Variants in RAB3GAP1 observed in about 807,000 individuals in gnomAD.
The protein encoded by RAB3GAP1 is rab3 GTPase-activating protein catalytic subunit.
In RAB3GAP1, 86 loss-of-function variants were observed where a neutral mutation model predicts 130.7. That is an observed-to-expected ratio of 0.66 (90% confidence interval 0.55 to 0.79). RAB3GAP1 has a LOEUF of 0.79. RAB3GAP1 is among the 30% of genes least tolerant of loss of function. The pLI is 0.00. For synonymous variants in RAB3GAP1, 367 were observed against 401.7 expected (o/e 0.91, Z 1.03); for missense variants, 1,029 against 1,169.4 (o/e 0.88, Z 1.75).
chr2:135,075,672 T>G (rs1263375264), intron 3 of RAB3GAP1, among the ~76,000 whole-genome samples: 1 of 143,746 alleles, frequency 7.0e-6, no homozygotes, highest in Non-Finnish European at 1.5e-5. Flanking sequence ...TATATTTGCC[T>G]TTTTTTGGGG....
At chr2:135,145,375 A>AC (rs1183298379) in intron 17 of RAB3GAP1, among the ~76,000 whole-genome samples, 1 of 146,792 alleles carries the variant, frequency 6.8e-6, no homozygotes, top group African/African-American at 2.6e-5. Flanking sequence ...TCTTCATACC[A>AC]CCCCTCACCA....
intron 5 of RAB3GAP1, among the ~76,000 whole-genome samples, chr2:135,104,927 A>G (rs922216515): frequency 6.6e-6 from 1 of 152,058 alleles, no homozygotes; most frequent in African/African-American, 2.4e-5. Flanking sequence ...TGGAAACTCC[A>G]GAGTTGAAAA....
chr2:135,120,514 C>T (rs1434866037), intron 7 of RAB3GAP1, among the ~76,000 whole-genome samples: 1 of 152,196 alleles, frequency 6.6e-6, no homozygotes, highest in Non-Finnish European at 1.5e-5. Context: ...GATCTTTCCT[C>T]CTGTTCATCC....
intron 11 of RAB3GAP1, among the ~76,000 whole-genome samples, chr2:135,129,378 G>A (rs1216922372): frequency 1.3e-5 from 2 of 151,422 alleles, no homozygotes; most frequent in Admixed American, 1.3e-4. Context: ...CGTGAACCTG[G>A]GAGGTGGAGC....
intron 17 of RAB3GAP1, among the ~76,000 whole-genome samples, chr2:135,138,281 CAAA>C (rs755492320): frequency 4.7e-5 from 5 of 107,478 alleles, no homozygotes; most frequent in Non-Finnish European, 6.2e-5. Flanking sequence ...CTATTTCTAC[CAAA>C]AAAAAAAAAA....
At chr2:135,136,635 A>C (rs1055986520) in intron 17 of RAB3GAP1, 1 of 988,704 alleles carries the variant, frequency 1.0e-6, no homozygotes, top group Non-Finnish European at 1.4e-6. Context: ...AACTGCACTT[A>C]TGTATGTTTT....
intron 5 of RAB3GAP1, among the ~76,000 whole-genome samples, chr2:135,099,920 T>C (rs1200702597): frequency 3.3e-5 from 5 of 152,040 alleles, no homozygotes; most frequent in African/African-American, 1.2e-4. Context: ...AGCAGAGAGA[T>C]TGGTAATCTC....
Position 135,169,475 on chromosome 2 carries a change from G to A in RAB3GAP1, c.*694G>A, listed in dbSNP as rs553198654. 1.2e-3 allele frequency: 217 copies of A among 188,012 alleles called. 1 individual carries two copies. The highest frequency in any genetic ancestry group is 5.0e-3 in the African/African-American group (209 of 42,046). The allele number at this position is 188,012 out of a possible 1,614,324, so 11.6% of individuals were successfully genotyped here. On this transcript the variant is annotated 3_prime_UTR_variant, in exon 24 of 24. Transcript: ENST00000264158. ...GTTTTATATCTGTCATGTGAGATTT[G>A]TCTTACTTATTTTTCTTTTGGTTGC...
At position 135,091,031 on chromosome 2, in the gene RAB3GAP1, T is replaced by A. The variant is rs148441684; in HGVS notation, c.184T>A (p.Ser62Thr). The A allele has an allele frequency of 4.7e-5, 76 of 1,612,502 alleles. No individual in the cohort carries two copies. The African/African-American group carries it at 9.5e-4, about 20-fold the overall frequency. ...TACTTCTGGCACATGGGAAGAGAAA[T>A]CAGATGAAATTTCCTTTGCTGACTT... ...IFTSGTWEEK[S>T]DEISFADFKF... The change falls in exon 4 of 24, where the codon TCA becomes ACA. Residue 62 changes from serine (S) to threonine (T), a missense_variant. Around this residue, in one of 3 missense-constraint regions of RAB3GAP1, gnomAD observed 510 missense variants for 532.1 expected, o/e 0.96. Transcript: ENST00000264158.
At chr2:135,069,410 CT>C (rs1016040555) in intron 3 of RAB3GAP1, among the ~76,000 whole-genome samples, 1 of 151,790 alleles carries the variant, frequency 6.6e-6, no homozygotes, top group Admixed American at 6.6e-5. Flanking sequence ...ATTTTCTGTA[CT>C]TTTTTTTCTT....
rs182436396 is a variant in RAB3GAP1, at chr2:135,147,019, C to T, written c.1924-3350C>T. ...ACACACGAAAATTTATCAAATGTGCCTTTAAATTATTGTATGTTGATTCTA... is the reference window on the plus strand; with the variant it reads ...ACACACGAAAATTTATCAAATGTGCTTTTAAATTATTGTATGTTGATTCTA... On this transcript the variant is annotated intron_variant, in intron 17 of 23. Coordinates refer to ENST00000264158, the MANE Select transcript of RAB3GAP1 (RefSeq NM_012233.3). Among the ~76,000 whole-genome samples, 12 of 151,854 alleles carry T rather than the reference C, an allele frequency of 7.9e-5. No homozygotes were observed. The South Asian group carries it at 2.5e-3, about 32-fold the overall frequency.
intron 3 of RAB3GAP1, among the ~76,000 whole-genome samples, chr2:135,071,951 C>T (rs1000967611): frequency 3.3e-5 from 5 of 152,124 alleles, no homozygotes; most frequent in Non-Finnish European, 4.4e-5. Context: ...CTCGCTTTGT[C>T]GCCCAGGCTG....
intron 3 of RAB3GAP1, among the ~76,000 whole-genome samples, chr2:135,066,343 T>C (rs1689322687): frequency 6.6e-6 from 1 of 152,194 alleles, no homozygotes; most frequent in South Asian, 2.1e-4. Flanking sequence ...GGGAAGGAAA[T>C]GGCAATTATT....
chr2:135,111,756 CA>C (rs1364030548), intron 5 of RAB3GAP1, among the ~76,000 whole-genome samples: 1 of 152,136 alleles, frequency 6.6e-6, no homozygotes, highest in African/African-American at 2.4e-5. Flanking sequence ...GTGATTTCAG[CA>C]AATTGTTTCT....
chr2:135,101,113 A>G (rs575041375), intron 5 of RAB3GAP1, among the ~76,000 whole-genome samples: 1 of 152,324 alleles, frequency 6.6e-6, no homozygotes, highest in African/African-American at 2.4e-5. Context: ...AAAAGATGAG[A>G]AGGACTTTGG....
chr2:135,079,032 T>C (rs918996215), intron 3 of RAB3GAP1, among the ~76,000 whole-genome samples: 3 of 152,098 alleles, frequency 2.0e-5, no homozygotes, highest in Non-Finnish European at 4.4e-5. Context: ...CATGCCCGGC[T>C]AATTTTTTCT....
intron 17 of RAB3GAP1, among the ~76,000 whole-genome samples, chr2:135,143,851 A>T (rs981351910): frequency 6.6e-6 from 1 of 152,180 alleles, no homozygotes; most frequent in African/African-American, 2.4e-5. Context: ...GTCCGGCCCT[A>T]ACATGTTACA....
intron 17 of RAB3GAP1, among the ~76,000 whole-genome samples, chr2:135,149,879 G>A (rs1015043971): frequency 5.9e-5 from 9 of 152,160 alleles, no homozygotes; most frequent in Admixed American, 2.0e-4. Context: ...GGATGGTCTC[G>A]ATCTCCTGAC....
intron 6 of RAB3GAP1, among the ~76,000 whole-genome samples, chr2:135,114,586 G>A (rs921239789): frequency 2.0e-5 from 3 of 152,064 alleles, no homozygotes; most frequent in Non-Finnish European, 4.4e-5. Context: ...GGGTTCCTTC[G>A]AGCCTCTGGT....
Sources: gnomAD v4.1 joint callset for allele counts (sites outside exome capture counted in the v4.1 genomes callset) on GRCh38, gnomAD v4.1.1 for gene constraint, gnomAD v4.1.1 regional missense constraint, MANE v1.5 for transcripts, NCBI Gene and HGNC (gene_info 2026-07-23, HGNC 2026-07-21) for gene names.